Variants in ZFYVE28 observed in about 807,000 individuals in gnomAD.
The protein encoded by ZFYVE28 is lateral signaling target protein 2 homolog.
In ZFYVE28, 40 loss-of-function variants were observed where a neutral mutation model predicts 82.1. That is an observed-to-expected ratio of 0.49 (90% CI 0.38 to 0.63). ZFYVE28 has a LOEUF of 0.63. ZFYVE28 is among the 30% of genes least tolerant of loss of function. The pLI, the probability that ZFYVE28 is intolerant of heterozygous loss-of-function variation, is 0.00. For synonymous variants in ZFYVE28, 612 were observed against 546.1 expected, an observed-to-expected ratio of 1.12 and a Z score of -1.68; for missense variants, 1,321 against 1,242.1, an observed-to-expected ratio of 1.06 and a Z score of -0.96.
chr4:2,350,814 TG>T (rs1724313874), intron 2 of ZFYVE28, among the ~76,000 whole-genome samples: 1 of 152,232 alleles, frequency 6.6e-6, no homozygotes, highest in Admixed American at 6.5e-5. Flanking sequence ...AAGCTTCCTT[TG>T]GGCTGGCGAA....
At chr4:2,352,051 C>A (rs146561608) in intron 2 of ZFYVE28, among the ~76,000 whole-genome samples, 1 of 152,240 alleles carries the variant, frequency 6.6e-6, no homozygotes, top group Admixed American at 6.5e-5. Context: ...ACCAGCGGAA[C>A]TTGCACAGCC....
At chr4:2,292,333 G>C (rs1560148233) in intron 8 of ZFYVE28, among the ~76,000 whole-genome samples, 1 of 152,214 alleles carries the variant, frequency 6.6e-6, no homozygotes, top group Non-Finnish European at 1.5e-5. Flanking sequence ...GAACGATGGT[G>C]GCTCCATGCC....
rs540192485 is a variant in ZFYVE28, at chr4:2,356,653, C to T, written c.40-2580G>A. Among the ~76,000 whole-genome samples, 40 of 152,336 alleles carry T rather than the reference C, an allele frequency of 2.6e-4. 2 individuals are homozygous for T. In the South Asian group the frequency reaches 7.7e-3, roughly 29 times the overall value. ...GGTCGCAGTCGCCCAGCGACCCCTCCGTGATGAAATGGGAAGAAGAGTGGG... is the reference window on the plus strand; with the variant it reads ...GGTCGCAGTCGCCCAGCGACCCCTCTGTGATGAAATGGGAAGAAGAGTGGG... On this transcript the variant is annotated intron_variant, in intron 1 of 12. Coordinates refer to ENST00000290974, the MANE Select transcript of ZFYVE28 (RefSeq NM_020972.3).
chr4:2,350,854 C>A (rs1252540689), intron 2 of ZFYVE28, among the ~76,000 whole-genome samples: 2 of 152,260 alleles, frequency 1.3e-5, no homozygotes, highest in African/African-American at 4.8e-5. Flanking sequence ...GAAGGGCACA[C>A]CCCAACTCCA....
At chr4:2,390,396 C>T (rs1186581708) in intron 1 of ZFYVE28, among the ~76,000 whole-genome samples, 27 of 152,234 alleles carry the variant, frequency 1.8e-4, no homozygotes, top group East Asian at 1.9e-4. Flanking sequence ...CCACAGGAAA[C>T]GAATACAGGC....
At chr4:2,334,776 G>C (rs866552746) in intron 6 of ZFYVE28, among the ~76,000 whole-genome samples, 1,636 of 6,984 alleles carry the variant, frequency 0.23, 102 homozygotes, top group Non-Finnish European at 0.29. Context: ...CCCCACTTCC[G>C]CCTCCCCTCT....
intron 8 of ZFYVE28, among the ~76,000 whole-genome samples, chr4:2,288,418 G>A (rs1713092431): frequency 1.3e-5 from 2 of 152,236 alleles, no homozygotes; most frequent in Non-Finnish European, 2.9e-5. Flanking sequence ...GGAGCATCGG[G>A]CCCTGGGCTG....
chr4:2,381,627 A>G (rs1476202383), intron 1 of ZFYVE28, among the ~76,000 whole-genome samples: 2 of 152,130 alleles, frequency 1.3e-5, no homozygotes, highest in Non-Finnish European at 2.9e-5. Context: ...GGCTGGTCTC[A>G]AGCTCCTGAC....
intron 9 of ZFYVE28, among the ~76,000 whole-genome samples, 187 bp from the exon 10 acceptor site, chr4:2,273,476 G>A (rs1308036666): frequency 6.6e-6 from 1 of 152,190 alleles, no homozygotes; most frequent in East Asian, 1.9e-4. Context: ...AAAAACTCGG[G>A]AGTCGAGAGA....
intron 6 of ZFYVE28, among the ~76,000 whole-genome samples, chr4:2,327,739 T>C (rs1399274535): frequency 6.6e-6 from 1 of 152,202 alleles, no homozygotes; most frequent in East Asian, 1.9e-4. Flanking sequence ...ATCACAATTA[T>C]TGATTTGTGT....
At position 2,337,451 on chromosome 4, in the gene ZFYVE28, G is replaced by A. The variant is rs185670507; in HGVS notation, c.567C>T (p.Tyr189=). The change falls in exon 5 of 13, where the codon TAC becomes TAT. Residue 189 remains tyrosine (Y), a synonymous_variant. Coordinates refer to ENST00000290974, the MANE Select transcript of ZFYVE28 (RefSeq NM_020972.3). ...MVPVKSPREY[Y]VQQEVIVLFC... The stretch of plus-strand genomic sequence containing the variant: ...AGAGCACGATGACCTCCTGCTGCAC[G>A]TAGTACTCCCTGGGGGACTTCACAG... 38 of 1,610,844 alleles carry A rather than the reference G, an allele frequency of 2.4e-5. No individual in the cohort carries two copies. Among genetic ancestry groups the A allele is most frequent in the Admixed American group, 1.2e-4 (7 of 59,714 alleles).
At chr4:2,336,128 C>T (rs994128829) in intron 5 of ZFYVE28, among the ~76,000 whole-genome samples, 1 of 152,132 alleles carries the variant, frequency 6.6e-6, no homozygotes, top group Non-Finnish European at 1.5e-5. Context: ...ACCCAGAGGA[C>T]GGCTCTGCTC....
rs561349035 is a variant in ZFYVE28, at chr4:2,300,293, A to G, written c.2051+3996T>C. On this transcript the variant is annotated intron_variant, in intron 8 of 12. Transcript: ENST00000290974. The surrounding 1 kb of genome is among the most constrained non-coding windows in gnomAD (Gnocchi z 4.6). ...AGTAACTTCCAAGGGTGACTTCGAGAGGACGGAAGGTTCTGGATCAAAGAG... is the reference window on the plus strand; with the variant it reads ...AGTAACTTCCAAGGGTGACTTCGAGGGGACGGAAGGTTCTGGATCAAAGAG... Among the ~76,000 whole-genome samples the G allele has an allele frequency of 1.3e-5, 2 of 152,212 alleles. No homozygotes were observed. The highest frequency in any genetic ancestry group is 2.9e-5 in the Non-Finnish European group (2 of 68,032).
intron 8 of ZFYVE28, among the ~76,000 whole-genome samples, chr4:2,304,083 T>C (rs1287341089): frequency 2.6e-5 from 4 of 152,242 alleles, no homozygotes; most frequent in African/African-American, 4.8e-5. Context: ...TTCTGGTGCA[T>C]GACGCCCCAC....
At chr4:2,403,153 C>T (rs1172923088) in intron 1 of ZFYVE28, among the ~76,000 whole-genome samples, 1 of 152,266 alleles carries the variant, frequency 6.6e-6, no homozygotes, top group Non-Finnish European at 1.5e-5. Context: ...CCCCAGCTGC[C>T]TTCTCCTCAG....
At chr4:2,393,071 G>A (rs571356851) in intron 1 of ZFYVE28, among the ~76,000 whole-genome samples, 9 of 152,340 alleles carry the variant, frequency 5.9e-5, no homozygotes, top group Admixed American at 2.6e-4. Flanking sequence ...CGCAGGCTGC[G>A]TCTGCCCCTC....
rs1438269102 is a variant in ZFYVE28, at chr4:2,274,089, T to C, written c.2179A>G (p.Ile727Val). Residue 727 changes from isoleucine (I) to valine (V), a missense_variant, in exon 9 of 13, where the codon ATC becomes GTC. Around this residue, in one of 2 missense-constraint regions of ZFYVE28, gnomAD observed 978 missense variants for 833.7 expected, o/e 1.17. Coordinates refer to ENST00000290974, the MANE Select transcript of ZFYVE28 (RefSeq NM_020972.3). ...RSRFHGSHDL[I>V]HRLFVCISGV... ...GAAATGCAGACGAACAGGCGGTGGA[T>C]GAGGTCGTGGCTGCCGTGGAACCTG... 6.2e-7 allele frequency: 1 copy of C among 1,612,500 alleles called. No individual in the cohort carries two copies.
chr4:2,288,328 G>A (rs1045261797), intron 8 of ZFYVE28, among the ~76,000 whole-genome samples: 4 of 152,202 alleles, frequency 2.6e-5, no homozygotes, highest in African/African-American at 9.6e-5. Flanking sequence ...ACACTAGAAC[G>A]GAACCTCATC....
At chr4:2,399,956 C>T (rs2108934334) in intron 1 of ZFYVE28, among the ~76,000 whole-genome samples, 1 of 152,368 alleles carries the variant, frequency 6.6e-6, no homozygotes, top group South Asian at 2.1e-4. Context: ...CACCACGTCC[C>T]TCCTCCTCAG....
Sources: allele counts gnomAD v4.1 joint callset (sites outside exome capture counted in the v4.1 genomes callset), GRCh38; gene constraint gnomAD v4.1.1; regional missense constraint gnomAD v4.1.1; non-coding constraint Gnocchi (gnomAD v3.1); transcripts MANE v1.5; gene names NCBI Gene and HGNC (gene_info 2026-07-23, HGNC 2026-07-21).